Variants in OSBPL1A observed in about 807,000 individuals in gnomAD.
OSBPL1A encodes the protein oxysterol-binding protein-related protein 1.
A neutral mutation model predicts 137.1 loss-of-function variants in OSBPL1A; 80 were observed. The observed-to-expected ratio is 0.58, with a 90% CI of 0.49 to 0.70. The LOEUF (loss-of-function observed/expected upper bound fraction) is 0.70. OSBPL1A is among the 30% of genes least tolerant of loss of function. OSBPL1A has a pLI of 0.00. For missense variants in OSBPL1A, 970 were observed against 1,129.4 expected (o/e 0.86, Z 2.02); for synonymous variants, 365 against 389.7 (o/e 0.94, Z 0.75).
In OSBPL1A at chr18:24,294,898, T is replaced by C. The variant is rs975766799; in HGVS notation, c.1174+8739A>G. Reference sequence around the variant, plus strand: ...CATGGATGTGCATGTGTCTTTTTCATATAATGACTTCTTTTCCTTTGGGTA... The same window carrying C: ...CATGGATGTGCATGTGTCTTTTTCACATAATGACTTCTTTTCCTTTGGGTA... On this transcript the variant is annotated intron_variant, in intron 14 of 27. Transcript: ENST00000319481. Among the ~76,000 whole-genome samples, 3 of 152,350 alleles carry C rather than the reference T, an allele frequency of 2.0e-5. No homozygotes were observed. The East Asian group carries it at 5.8e-4, about 29-fold the overall frequency.
intron 6 of OSBPL1A, among the ~76,000 whole-genome samples, chr18:24,333,593 A>G (rs2146143852): frequency 6.6e-6 from 1 of 152,370 alleles, no homozygotes; most frequent in East Asian, 1.9e-4. Flanking sequence ...TGCTATACTT[A>G]GAAACCAAAG....
rs148806956 is a variant in OSBPL1A, at chr18:24,251,258, G to C, written c.1282-11876C>G. On this transcript the variant is annotated intron_variant, in intron 15 of 27. Transcript: ENST00000319481. ...ACTACGTAGATCCCTGAGGTCTTGA[G>C]TGACCATAAGTGGTAGACAGGTAGT... Among the ~76,000 whole-genome samples, 79 of 152,284 alleles carry C rather than the reference G, an allele frequency of 5.2e-4. No homozygotes were observed. The East Asian group carries it at 0.014, about 28-fold the overall frequency.
chr18:24,328,588 G>A (rs116497048), intron 7 of OSBPL1A, among the ~76,000 whole-genome samples: 16 of 152,204 alleles, frequency 1.1e-4, no homozygotes, highest in East Asian at 5.8e-4. Context: ...TTTACCAGAC[G>A]GACAAGAAAG....
intron 16 of OSBPL1A, among the ~76,000 whole-genome samples, chr18:24,226,426 A>G (rs987970027): frequency 2.6e-5 from 4 of 152,174 alleles, no homozygotes; most frequent in Non-Finnish European, 4.4e-5. Context: ...TTTTCATTAA[A>G]ATGGAAATTC....
chr18:24,170,483 A>T (rs756589346), intron 23 of OSBPL1A, 30 bp from the exon 24 acceptor site: 1 of 1,613,310 alleles, frequency 6.2e-7, no homozygotes, highest in East Asian at 2.2e-5. Flanking sequence ...TTTAGTTAAC[A>T]AACCAGTGTT....
chr18:24,228,540 CTGGTCCCTGCGCA>C, intron 16 of OSBPL1A, among the ~76,000 whole-genome samples: 1 of 152,208 alleles, frequency 6.6e-6, no homozygotes, highest in Middle Eastern at 3.2e-3. Context: ...AGCATAAGAT[CTGGTCCCTGCGCA>C]TGGCCCAGCA....
At chr18:24,283,281 A>AAAAAAAATAT (rs1246058393) in intron 14 of OSBPL1A, among the ~76,000 whole-genome samples, 83 of 78,296 alleles carry the variant, frequency 1.1e-3, no homozygotes, top group Non-Finnish European at 1.4e-3. Flanking sequence ...AAAAAAAAAA[A>AAAAAAAATAT]ATATATATAT....
chr18:24,239,131 T>A, intron 16 of OSBPL1A, 89 bp downstream of exon 16: 1 of 1,490,042 alleles, frequency 6.7e-7, no homozygotes, highest in African/African-American at 1.4e-5. Flanking sequence ...TGACCTCTGC[T>A]CTAAGGTGGT....
chr18:24,318,472 C>T (rs916179233), intron 9 of OSBPL1A, 129 bp downstream of exon 9: 5 of 792,824 alleles, frequency 6.3e-6, no homozygotes, highest in Non-Finnish European at 1.0e-5. Context: ...CAGTGGTTTA[C>T]ATTATACGAT....
At chr18:24,324,603 T>TAAAAAAA (rs71163674) in intron 7 of OSBPL1A, among the ~76,000 whole-genome samples, 3 of 5,650 alleles carry the variant, frequency 5.3e-4, no homozygotes, top group African/African-American at 3.1e-3. Flanking sequence ...AATATGAATA[T>TAAAAAAA]AAAAAAAAAA....
chr18:24,284,035 G>A (rs560269378), intron 14 of OSBPL1A, among the ~76,000 whole-genome samples: 3 of 152,122 alleles, frequency 2.0e-5, no homozygotes, highest in African/African-American at 7.2e-5. Flanking sequence ...TTGTCCAAAA[G>A]AGTCAAATGT....
chr18:24,289,326 A>T (rs1156331005), intron 14 of OSBPL1A, among the ~76,000 whole-genome samples: 4 of 151,076 alleles, frequency 2.6e-5, no homozygotes, highest in African/African-American at 2.4e-5. Context: ...AATCTGAAAA[A>T]CTTCTCCTGT....
chr18:24,333,832 C>T (rs2091126794), intron 6 of OSBPL1A, among the ~76,000 whole-genome samples: 1 of 152,170 alleles, frequency 6.6e-6, no homozygotes, highest in Non-Finnish European at 1.5e-5. Context: ...GTGTAGCATT[C>T]CTCCCAGAAA....
chr18:24,224,197 G>A (rs1219437454), intron 17 of OSBPL1A, among the ~76,000 whole-genome samples: 1 of 152,060 alleles, frequency 6.6e-6, no homozygotes, highest in Admixed American at 6.5e-5. Flanking sequence ...GAGAAGTGAT[G>A]CACACTTTTT....
chr18:24,377,808 G>A (rs370054266), intron 1 of OSBPL1A, among the ~76,000 whole-genome samples: 1 of 152,102 alleles, frequency 6.6e-6, no homozygotes, highest in South Asian at 2.1e-4. Context: ...AACCGCATAA[G>A]CTGTTTGTTG....
At chr18:24,352,698 G>A (rs1252220599) in intron 4 of OSBPL1A, among the ~76,000 whole-genome samples, 1 of 152,126 alleles carries the variant, frequency 6.6e-6, no homozygotes, top group African/African-American at 2.4e-5. Context: ...AAACAGCATG[G>A]TACTGGTACC....
At chr18:24,284,573 C>G (rs2090032192) in intron 14 of OSBPL1A, among the ~76,000 whole-genome samples, 1 of 151,796 alleles carries the variant, frequency 6.6e-6, no homozygotes, top group African/African-American at 2.4e-5. Context: ...ACACTTGTTT[C>G]TTTATGTGAA....
At chr18:24,337,570 CAAAA>C (rs1225881914) in intron 5 of OSBPL1A, among the ~76,000 whole-genome samples, 2 of 84,450 alleles carry the variant, frequency 2.4e-5, no homozygotes, top group Non-Finnish European at 5.1e-5. Context: ...AACTCTGTCT[CAAAA>C]AAAAAAAAAA....
At chr18:24,376,902 G>A (rs1180206823) in intron 2 of OSBPL1A, among the ~76,000 whole-genome samples, 1 of 152,202 alleles carries the variant, frequency 6.6e-6, no homozygotes, top group Non-Finnish European at 1.5e-5. Flanking sequence ...CCACGCCCAC[G>A]CCCACACGGA....
Sources: gnomAD v4.1 joint callset for allele counts (sites outside exome capture counted in the v4.1 genomes callset) on GRCh38, gnomAD v4.1.1 for gene constraint, MANE v1.5 for transcripts, NCBI Gene and HGNC (gene_info 2026-07-23, HGNC 2026-07-21) for gene names.